The following XPA variants were observed in gnomAD, a reference collection of about 807,000 sequenced individuals.
XPA encodes the protein DNA repair protein complementing XP-A cells.
In XPA, 27 loss-of-function variants were observed where a neutral mutation model predicts 35.7. The ratio of observed to expected loss-of-function variants is 0.76; its 90% CI spans 0.56 to 1.04. The LOEUF is 1.04. XPA is among the 50% of genes least tolerant of loss of function. The pLI, the probability that XPA is intolerant of heterozygous loss-of-function variation, is 0.00. For missense variants in XPA, 354 were observed against 342.7 expected (o/e 1.03, Z -0.26); for synonymous variants, 133 against 118.4 (o/e 1.12, Z -0.80).
chr9:97,664,299 ATGTGTGTG>A, the XPA span: 2 of 1,233,250 alleles, frequency 1.6e-6, no homozygotes, highest in South Asian at 2.5e-5. Context: ...ATGTGTGTGT[ATGTGTGTG>A]TGTGATTTAC....
At chr9:97,668,745 T>A in the XPA span, 1 of 1,324,206 alleles carries the variant, frequency 7.6e-7, no homozygotes, top group African/African-American at 1.5e-5. Context: ...AGAATATAAG[T>A]CTTAACATTT....
the XPA span, chr9:97,656,162 C>A: frequency 8.5e-7 from 1 of 1,179,994 alleles, no homozygotes; most frequent in South Asian, 1.3e-5. Flanking sequence ...GATGTGTGTT[C>A]AGAATATTGG....
chr9:97,663,632 C>T, the XPA span, among the ~76,000 whole-genome samples: 2 of 151,714 alleles, frequency 1.3e-5, no homozygotes, highest in Non-Finnish European at 2.9e-5. Context: ...TTACAGGCGT[C>T]CACCACCACA....
the XPA span, among the ~76,000 whole-genome samples, chr9:97,655,489 G>A: frequency 1.3e-5 from 2 of 152,084 alleles, no homozygotes; most frequent in Non-Finnish European, 2.9e-5. Context: ...AACATGTTAG[G>A]TGCCCGCACA....
intron 5 of XPA, chr9:97,682,080 A>G (rs926193231): frequency 6.4e-6 from 2 of 310,316 alleles, no homozygotes; most frequent in Non-Finnish European, 1.3e-5. Context: ...CTATCTATCT[A>G]TCTATCTATA....
At chr9:97,689,455 A>C in intron 3 of XPA, 79 bp downstream of exon 3, 1 of 871,710 alleles carries the variant, frequency 1.1e-6, no homozygotes, top group Non-Finnish European at 1.9e-6. Context: ...AAAATATCAA[A>C]TCCAAACAGA....
downstream of XPA, chr9:97,670,054 C>G (rs1463739627): frequency 2.8e-6 from 1 of 360,850 alleles, no homozygotes; most frequent in Non-Finnish European, 5.4e-6. Context: ...TCCCATATTG[C>G]TGGGATTACA....
Position 97,687,131 on chromosome 9 carries a change from G to T in XPA, c.520C>A (p.Gln174Lys). The T allele has an allele frequency of 6.2e-7, 1 of 1,612,512 alleles. No homozygotes were observed. Among genetic ancestry groups the T allele is most frequent in the Non-Finnish European group, 8.5e-7 (1 of 1,179,612 alleles). ...FIVKKNPHHS[Q>K]WGDMKLYLKL... The stretch of plus-strand genomic sequence containing the variant: ...AAGTAGAGTTTCATATCACCCCATT[G>T]TGAATGATGTGGATTCTTCTTCACA... Residue 174 changes from glutamine (Q) to lysine (K), a missense_variant, in exon 4 of 6, where the codon CAA becomes AAA. Physicochemically the swap from Gln to Lys is moderately conservative, Grantham distance 53. Coordinates refer to ENST00000375128, the MANE Select transcript of XPA (RefSeq NM_000380.4).
chr9:97,696,227 T>C (rs1016422590), intron 1 of XPA, among the ~76,000 whole-genome samples: 2 of 152,320 alleles, frequency 1.3e-5, no homozygotes, highest in South Asian at 2.1e-4. Context: ...TAAACTGTGC[T>C]CGACAAAGGG....
chr9:97,689,901 A>G (rs1828835676), intron 2 of XPA, among the ~76,000 whole-genome samples: 1 of 152,234 alleles, frequency 6.6e-6, no homozygotes, highest in Admixed American at 6.5e-5. Flanking sequence ...TTAGTGCTAC[A>G]TTAGTTATAA....
intron 5 of XPA, among the ~76,000 whole-genome samples, chr9:97,681,588 A>G (rs566171202): frequency 6.6e-6 from 1 of 152,338 alleles, no homozygotes; most frequent in Non-Finnish European, 1.5e-5. Flanking sequence ...CCAGTATGGA[A>G]TAAGAGAAAG....
In XPA at chr9:97,687,166, A is replaced by G. The variant is rs771202854; in HGVS notation, c.485T>C (p.Leu162Pro). The change falls in exon 4 of 6, where the codon CTT (leucine) becomes CCT (proline). Residue 162 changes from leucine to proline, a missense_variant. Physicochemically the swap from Leu to Pro is moderately conservative, Grantham distance 98. Coordinates refer to ENST00000375128, the MANE Select transcript of XPA (RefSeq NM_000380.4). ...DCDLEKREPP[L>P]KFIVKKNPHH... ...TGGATTCTTCTTCACAATAAATTTAAGAGGTGGCTCTCTTTTTTCTAAATC... is the reference window on the plus strand; with the variant it reads ...TGGATTCTTCTTCACAATAAATTTAGGAGGTGGCTCTCTTTTTTCTAAATC... 1 of 1,612,858 alleles carries G rather than the reference A, an allele frequency of 6.2e-7. No individual in the cohort carries two copies. Among genetic ancestry groups the G allele is most frequent in the South Asian group, 1.1e-5 (1 of 90,666 alleles).
chr9:97,660,916 C>T, the XPA span: 1 of 1,589,546 alleles, frequency 6.3e-7, no homozygotes, highest in Non-Finnish European at 8.6e-7. Context: ...CCTGATCTGT[C>T]ATTCCCCTTA....
At chr9:97,657,124 G>C in the XPA span, among the ~76,000 whole-genome samples, 2 of 152,090 alleles carry the variant, frequency 1.3e-5, no homozygotes, top group African/African-American at 4.8e-5. Context: ...CCGCCACCAC[G>C]CCTGGCTAAT....
downstream of XPA, among the ~76,000 whole-genome samples, chr9:97,670,575 C>T (rs1045111062): frequency 6.6e-6 from 1 of 152,224 alleles, no homozygotes; most frequent in Non-Finnish European, 1.5e-5. Context: ...GGAATTCCCT[C>T]TGATTTTATA....
At chr9:97,678,128 T>C (rs2808703) in intron 5 of XPA, among the ~76,000 whole-genome samples, 104,139 of 152,092 alleles carry the variant, frequency 0.68, 36,184 homozygotes, top group African/African-American at 0.78. Context: ...AGGCTGGGCA[T>C]GGTGGCTCAC....
At chr9:97,664,276 G>A in the XPA span, 1 of 988,498 alleles carries the variant, frequency 1.0e-6, no homozygotes, top group Non-Finnish European at 1.5e-6. Flanking sequence ...CAGCAGTGTG[G>A]TGGCACATAT....
At chr9:97,684,789 T>A in intron 5 of XPA, 134 bp downstream of exon 5, 2 of 816,956 alleles carry the variant, frequency 2.4e-6, no homozygotes, top group South Asian at 2.9e-5. Flanking sequence ...GAGGGCAAAC[T>A]GTAAGTCATT....
intron 4 of XPA, 53 bp downstream of exon 4, chr9:97,687,043 T>A (rs1587745983): frequency 2.6e-6 from 4 of 1,559,430 alleles, no homozygotes; most frequent in South Asian, 2.4e-5. Flanking sequence ...ATGACTAGTT[T>A]GTTATTAAGA....
Sources: allele counts gnomAD v4.1 joint callset (sites outside exome capture counted in the v4.1 genomes callset), GRCh38; gene constraint gnomAD v4.1.1; transcripts MANE v1.5; gene names NCBI Gene and HGNC (gene_info 2026-07-23, HGNC 2026-07-21).